The following DCTN4 variants were observed in gnomAD, a reference collection of about 807,000 sequenced individuals.
DCTN4 encodes the protein dynactin 4 (p62).
DCTN4 carries 23 observed loss-of-function variants against 62.7 expected under a neutral mutation model. The observed-to-expected ratio is 0.37, with a 90% CI of 0.26 to 0.52. The LOEUF (loss-of-function observed/expected upper bound fraction) is 0.52. Among genes scored for constraint, DCTN4 ranks in the 20% least tolerant of loss-of-function variants. DCTN4 has a pLI of 0.92. For missense variants in DCTN4, 514 were observed against 580.4 expected, an observed-to-expected ratio of 0.89 and a Z score of 1.18; for synonymous variants, 199 against 202.1, an observed-to-expected ratio of 0.98 and a Z score of 0.13.
chr5:150,748,627 G>A (rs1222566902), intron 3 of DCTN4, among the ~76,000 whole-genome samples: 3 of 151,354 alleles, frequency 2.0e-5, no homozygotes, highest in African/African-American at 7.3e-5. Flanking sequence ...ATGAGTTCAT[G>A]TCCTTTGTAG....
intron 8 of DCTN4, among the ~76,000 whole-genome samples, chr5:150,729,062 T>G (rs1364321792): frequency 7.4e-6 from 1 of 134,438 alleles, no homozygotes; most frequent in African/African-American, 2.9e-5. Context: ...TTTTTTTTTT[T>G]TTTTTTTTTT....
chr5:150,728,913 C>T (rs1349095968), intron 8 of DCTN4, among the ~76,000 whole-genome samples: 1 of 150,874 alleles, frequency 6.6e-6, no homozygotes, highest in Non-Finnish European at 1.5e-5. Flanking sequence ...GGTCTTGCTT[C>T]GTCACCCAGG....
intron 7 of DCTN4, 41 bp downstream of exon 7, chr5:150,730,998 AATTAG>A: frequency 8.6e-7 from 1 of 1,168,536 alleles, no homozygotes; most frequent in Non-Finnish European, 1.3e-6. Flanking sequence ...ACAAAAACAG[AATTAG>A]ATGTAGACTA....
chr5:150,745,568 T>G (rs913589019), intron 3 of DCTN4, among the ~76,000 whole-genome samples: 12 of 151,716 alleles, frequency 7.9e-5, no homozygotes, highest in Non-Finnish European at 1.0e-4. Context: ...AAATGTAAAA[T>G]AACAGAAATT....
intron 8 of DCTN4, among the ~76,000 whole-genome samples, chr5:150,727,090 G>A (rs1364517904): frequency 6.6e-6 from 1 of 152,092 alleles, no homozygotes; most frequent in African/African-American, 2.4e-5. Context: ...TGGCGGGGAG[G>A]ATTGGCCTAA....
In DCTN4 at chr5:150,722,757, A is replaced by G. The variant is rs978481603; in HGVS notation, c.908+150T>C. 16 of 584,554 alleles carry G rather than the reference A, an allele frequency of 2.7e-5. No individual in the cohort carries two copies. In the Admixed American group the frequency reaches 4.5e-4, roughly 16 times the overall value. 36.2% of individuals were successfully genotyped at this position (584,554 alleles called of 1,614,324 possible). A position where few individuals can be genotyped will look rare whatever the true frequency, so the allele number is the denominator to read the frequency against. ...AAACTTCATGGCATGTAACTAAATT[A>G]AAAACCTAAACAGGAACAGAATGTC... On this transcript the variant is annotated intron_variant, in intron 9 of 12. Coordinates refer to ENST00000447998, the MANE Select transcript of DCTN4 (RefSeq NM_016221.4).
intron 8 of DCTN4, among the ~76,000 whole-genome samples, chr5:150,727,798 CAAAA>C (rs1431938055): frequency 2.3e-5 from 2 of 88,840 alleles, no homozygotes; most frequent in East Asian, 8.5e-4. Context: ...AAAAAAAAAA[CAAAA>C]AACCCAATAA....
chr5:150,719,625 T>C, intron 10 of DCTN4, 91 bp downstream of exon 10: 1 of 904,708 alleles, frequency 1.1e-6, no homozygotes, highest in Non-Finnish European at 1.8e-6. Context: ...CACTGGATCC[T>C]GTGCCAAATA....
intron 1 of DCTN4, 177 bp downstream of exon 1, chr5:150,758,682 G>A: frequency 7.7e-7 from 1 of 1,296,252 alleles, no homozygotes; most frequent in East Asian, 2.4e-5. Context: ...ACCCGAGGCT[G>A]CTCCTCCTTT....
chr5:150,721,850 A>T (rs1205404153), intron 9 of DCTN4, among the ~76,000 whole-genome samples: 1 of 152,124 alleles, frequency 6.6e-6, no homozygotes, highest in Non-Finnish European at 1.5e-5. Context: ...TTAGAGAGAG[A>T]GTCCTGCTCC....
chr5:150,757,678 A>G (rs1000831823), intron 1 of DCTN4, among the ~76,000 whole-genome samples: 1 of 152,186 alleles, frequency 6.6e-6, no homozygotes. Context: ...TCGATGCCAT[A>G]TTTTTAATAT....
intron 9 of DCTN4, among the ~76,000 whole-genome samples, chr5:150,721,503 A>G (rs1759953221): frequency 6.6e-6 from 1 of 152,252 alleles, no homozygotes; most frequent in Non-Finnish European, 1.5e-5. Flanking sequence ...TCAAGATCCC[A>G]CCAACAATGT....
At chr5:150,758,215 C>G (rs1752933716) in intron 1 of DCTN4, 8 of 985,486 alleles carry the variant, frequency 8.1e-6, no homozygotes, top group African/African-American at 1.7e-5. Context: ...CCGGGGTCTT[C>G]TTTTTGAAAA....
intron 12 of DCTN4, 130 bp from the exon 13 acceptor site, chr5:150,711,492 T>G (rs1759563408): frequency 5.5e-6 from 4 of 728,360 alleles, no homozygotes; most frequent in Non-Finnish European, 8.9e-6. Flanking sequence ...CACTTTGTTC[T>G]TAACCTACCA....
chr5:150,725,386 T>A (rs1241923837), intron 8 of DCTN4, among the ~76,000 whole-genome samples: 1 of 151,714 alleles, frequency 6.6e-6, no homozygotes, highest in Non-Finnish European at 1.5e-5. Flanking sequence ...TAAATTTATA[T>A]CAATTTAATT....
chr5:150,743,728 G>C (rs1207205591), intron 3 of DCTN4, among the ~76,000 whole-genome samples: 3 of 152,222 alleles, frequency 2.0e-5, no homozygotes, highest in African/African-American at 7.2e-5. Flanking sequence ...CAACAGACCT[G>C]CAGCTGAGGG....
intron 5 of DCTN4, chr5:150,731,832 G>A (rs1213369719): frequency 1.3e-6 from 2 of 1,493,688 alleles, no homozygotes; most frequent in African/African-American, 2.8e-5. Flanking sequence ...TGGAACACCA[G>A]TGGTCATCTG....
Position 150,711,014 on chromosome 5 carries a change from A to T in DCTN4, c.*135T>A. On this transcript the variant is annotated 3_prime_UTR_variant, in exon 13 of 13. Transcript: ENST00000447998. ...TTCCCAATGCCTTGCCTATGCTCCCACTTTCTTAGCAATAGAATTCCGTAG... is the reference window on the plus strand; with the variant it reads ...TTCCCAATGCCTTGCCTATGCTCCCTCTTTCTTAGCAATAGAATTCCGTAG... 1 of 888,906 alleles carries T rather than the reference A, an allele frequency of 1.1e-6. No individual in the cohort carries two copies. Among genetic ancestry groups the T allele is most frequent in the Non-Finnish European group, 1.7e-6 (1 of 579,248 alleles). The allele number at this position is 888,906 out of a possible 1,614,324, so 55.1% of individuals were successfully genotyped here.
At chr5:150,745,235 C>A (rs9716793) in intron 3 of DCTN4, among the ~76,000 whole-genome samples, 15,624 of 142,750 alleles carry the variant, frequency 0.11, 1,726 homozygotes, top group African/African-American at 0.28. Context: ...CAACAAGAAG[C>A]GCTAACTATC....
Sources: allele counts gnomAD v4.1 joint callset (sites outside exome capture counted in the v4.1 genomes callset), GRCh38; gene constraint gnomAD v4.1.1; transcripts MANE v1.5; gene names NCBI Gene and HGNC (gene_info 2026-07-23, HGNC 2026-07-21).